The following FKTN variants were observed in gnomAD, a reference collection of about 807,000 sequenced individuals.
The protein encoded by FKTN is ribitol-5-phosphate transferase FKTN.
FKTN carries 47 observed loss-of-function variants against 58.6 expected under a neutral mutation model. The ratio of observed to expected loss-of-function variants is 0.80; its 90% confidence interval spans 0.63 to 1.02. The LOEUF (loss-of-function observed/expected upper bound fraction) is 1.02. Ranked by LOEUF, FKTN falls within the 50% of genes least tolerant of loss-of-function variation. FKTN has a pLI of 0.00. For missense variants in FKTN, 516 were observed against 537.3 expected, an observed-to-expected ratio of 0.96 and a Z score of 0.39; for synonymous variants, 178 against 191.9, an observed-to-expected ratio of 0.93 and a Z score of 0.60.
chr9:105,591,782 A>T (rs1476024433), intron 3 of FKTN, among the ~76,000 whole-genome samples: 6 of 152,176 alleles, frequency 3.9e-5, no homozygotes, highest in Admixed American at 3.3e-4. Flanking sequence ...ATTCTAGTAG[A>T]GTTCTCCATG....
intron 1 of FKTN, among the ~76,000 whole-genome samples, chr9:105,567,284 G>A (rs1839834304): frequency 6.6e-6 from 1 of 152,128 alleles, no homozygotes; most frequent in Non-Finnish European, 1.5e-5. Flanking sequence ...CATGGTGTTG[G>A]AGGTTCTGGC....
At position 105,636,539 on chromosome 9, in the gene FKTN, C is replaced by T; in HGVS notation, c.*1275C>T. 6 of 1,049,914 alleles carry T rather than the reference C, an allele frequency of 5.7e-6. No individual in the cohort carries two copies. The South Asian group carries it at 1.8e-4, about 31-fold the overall frequency. 65.0% of individuals were successfully genotyped at this position (1,049,914 alleles called of 1,614,324 possible). Reference sequence around the variant, plus strand: ...TCTGGAATGCTTTAGTTTCCTTTTCCCCTCAAGATGTCTGAGTCAGCTAGG... The same window carrying T: ...TCTGGAATGCTTTAGTTTCCTTTTCTCCTCAAGATGTCTGAGTCAGCTAGG... On this transcript the variant is annotated 3_prime_UTR_variant, in exon 11 of 11. Coordinates refer to ENST00000357998, the MANE Select transcript of FKTN (RefSeq NM_001079802.2).
At position 105,639,187 on chromosome 9, in the gene FKTN, C is replaced by G; in HGVS notation, c.*3923C>G. ...GTAATAGCTTTAATGCATGGAAAAA[C>G]TTCAGTTACTGACCAGTCAAGAGAA... On this transcript the variant is annotated 3_prime_UTR_variant, in exon 11 of 11. Transcript: ENST00000357998. 1.0e-6 allele frequency: 1 copy of G among 985,286 alleles called. No individual in the cohort carries two copies. Among genetic ancestry groups the G allele is most frequent in the Non-Finnish European group, 1.2e-6 (1 of 829,820 alleles). 61.0% of individuals were successfully genotyped at this position (985,286 alleles called of 1,614,324 possible). A position where few individuals can be genotyped will look rare whatever the true frequency, so the allele number is the denominator to read the frequency against.
intron 3 of FKTN, among the ~76,000 whole-genome samples, chr9:105,581,479 G>GGGGGTCA (rs1223986342): frequency 2.0e-5 from 3 of 150,660 alleles, no homozygotes; most frequent in East Asian, 1.9e-4. Flanking sequence ...TAGGCTGCTC[G>GGGGGTCA]GGGGTCAGGG....
chr9:105,636,074 T>C lies in FKTN; in HGVS notation c.*810T>C. The stretch of plus-strand genomic sequence containing the variant: ...CTAGACATGATCTTGAAAGAGGCCA[T>C]GATTTCACAAAACTCATTTTTATTT... On this transcript the variant is annotated 3_prime_UTR_variant, in exon 11 of 11. Coordinates refer to ENST00000357998, the MANE Select transcript of FKTN (RefSeq NM_001079802.2). 1.0e-6 allele frequency: 1 copy of C among 984,888 alleles called. No individual in the cohort carries two copies. Among genetic ancestry groups the C allele is most frequent in the Non-Finnish European group, 1.2e-6 (1 of 829,418 alleles). The allele number at this position is 984,888 out of a possible 1,614,324, so 61.0% of individuals were successfully genotyped here. A position where few individuals can be genotyped will look rare whatever the true frequency, so the allele number is the denominator to read the frequency against.
Position 105,640,223 on chromosome 9 carries a change from C to CCTG in FKTN, c.*4959_*4960insCTG. Reference sequence around the variant, plus strand: ...CAATACCTTTTGTATAGGTCCTGTGCTTAAAGGAGGCAAGTATAAATTTTC... The same window carrying CCTG: ...CAATACCTTTTGTATAGGTCCTGTGCCTGTTAAAGGAGGCAAGTATAAATTTTC... On this transcript the variant is annotated 3_prime_UTR_variant, in exon 11 of 11. Transcript: ENST00000357998. 1 of 1,439,360 alleles carries CCTG rather than the reference C, an allele frequency of 6.9e-7. No homozygotes were observed. The allele number at this position is 1,439,360 out of a possible 1,614,324, so 89.2% of individuals were successfully genotyped here.
intron 4 of FKTN, chr9:105,598,248 A>C (rs1281581392): frequency 2.6e-6 from 1 of 387,304 alleles, no homozygotes; most frequent in African/African-American, 2.2e-5. Context: ...TGGTCACTGA[A>C]TGACTATATT....
chr9:105,636,765 A>C lies in FKTN; in HGVS notation c.*1501A>C. The C allele has an allele frequency of 7.8e-7, 1 of 1,286,134 alleles. No homozygotes were observed. Among genetic ancestry groups the C allele is most frequent in the Non-Finnish European group, 1.0e-6 (1 of 976,414 alleles). 79.7% of individuals were successfully genotyped at this position (1,286,134 alleles called of 1,614,324 possible). On this transcript the variant is annotated 3_prime_UTR_variant, in exon 11 of 11. Coordinates refer to ENST00000357998, the MANE Select transcript of FKTN (RefSeq NM_001079802.2). ...TCCTCTGACACCAGAGAACAATAGT[A>C]GTCTCAAGAATGGAAACCTGAATGT...
rs141924942 is a variant in FKTN at position 105,591,237 on chromosome 9, C to T, written c.106-5361C>T. On this transcript the variant is annotated intron_variant, in intron 3 of 10. Transcript: ENST00000357998. ...ATTGCAAAATACAATCATGCCTTCC[C>T]AACAGTCCTTCAAAGTCTTAACTTA... Among the ~76,000 whole-genome samples the T allele has an allele frequency of 5.6e-3, 846 of 152,260 alleles. 10 individuals are homozygous for T. The highest frequency in any genetic ancestry group is 0.02 in the African/African-American group (820 of 41,536).
At chr9:105,607,381 G>A (rs901198625) in intron 6 of FKTN, among the ~76,000 whole-genome samples, 2 of 151,938 alleles carry the variant, frequency 1.3e-5, no homozygotes, top group Non-Finnish European at 2.9e-5. Context: ...TGCCAAGTGT[G>A]TATGAACAAG....
chr9:105,611,136 A>T (rs1001487200), intron 7 of FKTN, among the ~76,000 whole-genome samples: 1 of 152,172 alleles, frequency 6.6e-6, no homozygotes, highest in Admixed American at 6.5e-5. Flanking sequence ...CTCATCTACA[A>T]TAAGAGTTGG....
At chr9:105,593,495 A>G (rs1260940704) in intron 3 of FKTN, among the ~76,000 whole-genome samples, 1 of 152,212 alleles carries the variant, frequency 6.6e-6, no homozygotes, top group Non-Finnish European at 1.5e-5. Flanking sequence ...AATTGGCTAT[A>G]TAAGTCTGGG....
At chr9:105,614,249 A>C (rs769815747) in intron 7 of FKTN, among the ~76,000 whole-genome samples, 15 of 152,324 alleles carry the variant, frequency 9.8e-5, no homozygotes, top group Non-Finnish European at 2.1e-4. Context: ...AGATGACTAA[A>C]TGATATATAT....
intron 1 of FKTN, among the ~76,000 whole-genome samples, chr9:105,565,379 C>T (rs878986357): frequency 6.6e-6 from 1 of 152,078 alleles, no homozygotes; most frequent in African/African-American, 2.4e-5. Context: ...TCAAGACCCA[C>T]CAGTGTGCTG....
chr9:105,596,580 C>A lies in FKTN; in HGVS notation c.106-18C>A. ...TGGACTTTGAATTTACTAAAAAGTT[C>A]TTTTGTTGTCTTCCTAGAATGGAGC... On this transcript the variant is annotated intron_variant, in intron 3 of 10. Coordinates refer to ENST00000357998, the MANE Select transcript of FKTN (RefSeq NM_001079802.2). 6.2e-7 allele frequency: 1 copy of A among 1,600,964 alleles called. No homozygotes were observed.
intron 3 of FKTN, among the ~76,000 whole-genome samples, chr9:105,592,758 C>G: frequency 6.6e-6 from 1 of 151,794 alleles, no homozygotes; most frequent in East Asian, 1.9e-4. Flanking sequence ...TAAGGCATAA[C>G]AAAAGTGACT....
intron 1 of FKTN, among the ~76,000 whole-genome samples, chr9:105,560,870 C>T (rs4742952): frequency 0.28 from 41,896 of 151,934 alleles, 6,040 homozygotes; most frequent in Non-Finnish European, 0.31. Context: ...GGATGGATCA[C>T]GAGGTCAAGA....
At chr9:105,614,363 G>A (rs771140651) in intron 7 of FKTN, among the ~76,000 whole-genome samples, 5 of 152,068 alleles carry the variant, frequency 3.3e-5, no homozygotes, top group Non-Finnish European at 7.4e-5. Context: ...AGATACAAGA[G>A]AGATTTGTTT....
chr9:105,580,824 C>CTT (rs1430015892), intron 3 of FKTN, among the ~76,000 whole-genome samples: 1 of 38,532 alleles, frequency 2.6e-5, no homozygotes, highest in African/African-American at 1.4e-4. Flanking sequence ...TAGATTTGGT[C>CTT]TTTTCACATA....
Sources: allele counts gnomAD v4.1 joint callset (sites outside exome capture counted in the v4.1 genomes callset), GRCh38; gene constraint gnomAD v4.1.1; transcripts MANE v1.5; gene names NCBI Gene and HGNC (gene_info 2026-07-23, HGNC 2026-07-21).